Variants in SERPINI2 observed in about 807,000 individuals in gnomAD.
SERPINI2 encodes the protein serpin family I member 2.
A neutral mutation model predicts 47.3 loss-of-function variants in SERPINI2; 48 were observed. The ratio of observed to expected loss-of-function variants is 1.02; its 90% CI spans 0.81 to 1.29. The LOEUF (loss-of-function observed/expected upper bound fraction) is 1.29, where lower values mean the gene tolerates loss of function less well. SERPINI2 is among the 50% of genes most tolerant of loss of function. The probability of loss-of-function intolerance (pLI) is 0.00; values close to 1 mark genes in which losing one functional copy is unlikely to be tolerated. For missense variants in SERPINI2, 448 were observed against 456.9 expected (o/e 0.98, Z 0.18); for synonymous variants, 135 against 149.3 (o/e 0.90, Z 0.70).
chr3:167,474,814 A>G (rs377542205), upstream of SERPINI2, among the ~76,000 whole-genome samples: 43 of 151,798 alleles, frequency 2.8e-4, no homozygotes, highest in South Asian at 8.1e-3. Context: ...AATCACCTCA[A>G]TGGCAATCAG....
chr3:167,463,326 A>G (rs936955732), intron 5 of SERPINI2, among the ~76,000 whole-genome samples: 2 of 152,220 alleles, frequency 1.3e-5, no homozygotes, highest in Admixed American at 6.5e-5. Flanking sequence ...AAAGAATAAT[A>G]TCAAGTAGAG....
intron 5 of SERPINI2, among the ~76,000 whole-genome samples, chr3:167,462,713 G>A (rs940159784): frequency 3.9e-5 from 6 of 152,294 alleles, no homozygotes; most frequent in African/African-American, 1.4e-4. Context: ...CACTGTGGGG[G>A]TAGTATGGGA....
chr3:167,458,634 A>T (rs34184921), intron 5 of SERPINI2, among the ~76,000 whole-genome samples: 13,471 of 152,184 alleles, frequency 0.089, 624 homozygotes, highest in Non-Finnish European at 0.11. Context: ...CTTATCAATA[A>T]GGAACCTATT....
At chr3:167,447,556 G>A (rs1270589624) in intron 7 of SERPINI2, among the ~76,000 whole-genome samples, 5 of 152,112 alleles carry the variant, frequency 3.3e-5, no homozygotes, top group African/African-American at 9.7e-5. Flanking sequence ...CTTAAAATGA[G>A]AGACAGTGGG....
intron 8 of SERPINI2, among the ~76,000 whole-genome samples, chr3:167,445,815 C>T (rs1749462562): frequency 6.6e-6 from 1 of 152,146 alleles, no homozygotes; most frequent in Admixed American, 6.5e-5. Flanking sequence ...TGACACTGTG[C>T]CCAGTGCTAA....
At chr3:167,470,550 C>CTTTTTTTGTTTTTTTTTTTTTT (rs1750277466) in intron 2 of SERPINI2, among the ~76,000 whole-genome samples, 1 of 93,048 alleles carries the variant, frequency 1.1e-5, no homozygotes, top group African/African-American at 5.7e-5. Context: ...TGAGCAACAA[C>CTTTTTTTGTTTTTTTTTTTTTT]TTTTTTTTTT....
At chr3:167,455,797 T>C (rs976077164) in intron 5 of SERPINI2, among the ~76,000 whole-genome samples, 1 of 152,034 alleles carries the variant, frequency 6.6e-6, no homozygotes, top group African/African-American at 2.4e-5. Context: ...ACATCTTACA[T>C]GGCTGGAATA....
At chr3:167,463,537 G>T (rs1175865633) in intron 5 of SERPINI2, among the ~76,000 whole-genome samples, 3 of 152,206 alleles carry the variant, frequency 2.0e-5, no homozygotes, top group South Asian at 4.1e-4. Flanking sequence ...AAGAGAGAAA[G>T]AAATAAGTCA....
intron 8 of SERPINI2, among the ~76,000 whole-genome samples, chr3:167,445,987 A>T (rs1253311236): frequency 6.6e-6 from 1 of 152,220 alleles, no homozygotes; most frequent in East Asian, 1.9e-4. Context: ...TCACAACTCC[A>T]CACCTCTCAA....
chr3:167,448,479 T>C (rs1459667824), intron 7 of SERPINI2, among the ~76,000 whole-genome samples: 1 of 152,196 alleles, frequency 6.6e-6, no homozygotes, highest in African/African-American at 2.4e-5. Flanking sequence ...AATACTGATA[T>C]AATTATTTTG....
chr3:167,449,929 T>C (rs1749597551), intron 6 of SERPINI2, among the ~76,000 whole-genome samples: 1 of 152,216 alleles, frequency 6.6e-6, no homozygotes, highest in South Asian at 2.1e-4. Flanking sequence ...AGAGATCAAG[T>C]TTTTCTGTGA....
intron 5 of SERPINI2, among the ~76,000 whole-genome samples, chr3:167,455,158 T>C (rs983860235): frequency 3.3e-5 from 5 of 152,148 alleles, no homozygotes; most frequent in African/African-American, 1.2e-4. Context: ...TCCTCTAAAA[T>C]TGTCAAAAGA....
intron 7 of SERPINI2, 63 bp downstream of exon 7, chr3:167,449,253 C>T: frequency 1.8e-6 from 2 of 1,085,922 alleles, no homozygotes; most frequent in Non-Finnish European, 1.4e-6. Flanking sequence ...AAAGGGTCAG[C>T]ACCATAATGT....
intron 2 of SERPINI2, 115 bp downstream of exon 2, chr3:167,471,473 G>A (rs1337092102): frequency 4.1e-6 from 4 of 981,210 alleles, no homozygotes; most frequent in South Asian, 5.5e-5. Flanking sequence ...TTACAATTTT[G>A]TACTTTTCAT....
At chr3:167,472,131 T>G (rs1159796986) in intron 1 of SERPINI2, among the ~76,000 whole-genome samples, 2 of 152,092 alleles carry the variant, frequency 1.3e-5, no homozygotes, top group African/African-American at 2.4e-5. Context: ...GGCAATGGTA[T>G]CTCCAAATAG....
chr3:167,469,001 G>A (rs2108172055), intron 2 of SERPINI2, among the ~76,000 whole-genome samples: 1 of 152,222 alleles, frequency 6.6e-6, no homozygotes, highest in African/African-American at 2.4e-5. Flanking sequence ...TGTACTTAAG[G>A]TCTAAGTCTA....
intron 8 of SERPINI2, 60 bp downstream of exon 8, chr3:167,446,332 A>G (rs757439026): frequency 8.8e-6 from 10 of 1,131,630 alleles, no homozygotes; most frequent in South Asian, 4.2e-5. Context: ...TGCAATTAGA[A>G]ACTGGAACTA....
At chr3:167,473,669 C>T in intron 1 of SERPINI2, 1 of 710,950 alleles carries the variant, frequency 1.4e-6, no homozygotes. Flanking sequence ...TCCATTTTTT[C>T]TAGAAAATTT....
chr3:167,450,656 G>A (rs1749615629), intron 6 of SERPINI2, among the ~76,000 whole-genome samples: 1 of 150,122 alleles, frequency 6.7e-6, no homozygotes, highest in African/African-American at 2.5e-5. Context: ...TAACTGAAAT[G>A]CGAGAGAATT....
Sources: gnomAD v4.1 joint callset for allele counts (sites outside exome capture counted in the v4.1 genomes callset) on GRCh38, gnomAD v4.1.1 for gene constraint, MANE v1.5 for transcripts, NCBI Gene and HGNC (gene_info 2026-07-23, HGNC 2026-07-21) for gene names.